Variants in DFFB observed in about 807,000 individuals in gnomAD.
The protein encoded by DFFB is DNA fragmentation factor 40 kDa subunit.
DFFB carries 29 observed loss-of-function variants against 32.7 expected under a neutral mutation model. That is an observed-to-expected ratio of 0.89 (90% CI 0.66 to 1.21). The LOEUF is 1.21. Ranked by LOEUF, DFFB falls within the 50% of genes most tolerant of loss-of-function variation. The probability of loss-of-function intolerance (pLI) is 0.00; values close to 1 mark genes in which losing one functional copy is unlikely to be tolerated. For synonymous variants in DFFB, 170 were observed against 177.1 expected, an observed-to-expected ratio of 0.96 and a Z score of 0.32; for missense variants, 398 against 440.6, an observed-to-expected ratio of 0.90 and a Z score of 0.87.
chr1:3,872,773 C>A (rs528304430), intron 6 of DFFB, among the ~76,000 whole-genome samples: 1 of 152,272 alleles, frequency 6.6e-6, no homozygotes, highest in East Asian at 1.9e-4. Flanking sequence ...GCTGAGTGGG[C>A]ACACACCATT....
chr1:3,860,821 A>G (rs1644866100), intron 2 of DFFB, among the ~76,000 whole-genome samples: 1 of 152,094 alleles, frequency 6.6e-6, no homozygotes, highest in African/African-American at 2.4e-5. Context: ...GCCCGTAGCA[A>G]CTGCTGATAT....
intron 6 of DFFB, chr1:3,873,012 A>G (rs975760205): frequency 1.6e-6 from 2 of 1,270,986 alleles, no homozygotes; most frequent in African/African-American, 1.5e-5. Flanking sequence ...TTTTTCTTTT[A>G]GAGATGGAGT....
Position 3,865,666 on chromosome 1 carries a change from AAGACCCG to A in DFFB, c.242-145_242-139del, listed in dbSNP as rs370413325. On this transcript the variant is annotated intron_variant, in intron 2 of 6. Coordinates refer to ENST00000378209, the MANE Select transcript of DFFB (RefSeq NM_004402.4). This position sits in a 1 kb window ranked among gnomAD's most constrained non-coding sequence, Gnocchi z 4.7. ...AGCTGTTGGTGTCAGGGCAAGGACA[AAGACCCG>A]GGACACCTCAAGTCTGAGTCCTGGT... The A allele has an allele frequency of 1.3e-3, 1,638 of 1,300,890 alleles. 14 individuals carry two copies. In the African/African-American group the frequency reaches 0.021, roughly 16 times the overall value. 80.6% of individuals were successfully genotyped at this position (1,300,890 alleles called of 1,614,324 possible).
rs1449927737 is a variant in DFFB at position 3,867,737 on chromosome 1, TA to T, written c.431-236del. The T allele has an allele frequency of 9.8e-6, 5 of 508,544 alleles. No homozygotes were observed. In the Admixed American group the frequency reaches 9.9e-5, roughly 10 times the overall value. The allele number at this position is 508,544 out of a possible 1,614,324, so 31.5% of individuals were successfully genotyped here. On this transcript the variant is annotated intron_variant, in intron 3 of 6. Coordinates refer to ENST00000378209, the MANE Select transcript of DFFB (RefSeq NM_004402.4). ...GTGTGGTAGTGCGTCCCTGTAGTCT[TA>T]GCCACTTGGAAGTCTGAGGCAGGAG... is the stretch of plus-strand genomic sequence containing the variant.
chr1:3,858,441 AG>A (rs1290791421), intron 1 of DFFB, among the ~76,000 whole-genome samples: 3 of 152,212 alleles, frequency 2.0e-5, no homozygotes, highest in Admixed American at 2.0e-4. Flanking sequence ...AAGCGCCCTC[AG>A]GAGCTCATTT....
At position 3,874,069 on chromosome 1, in the gene DFFB, C is replaced by T. The variant is rs150894791; in HGVS notation, c.782+1497C>T. On this transcript the variant is annotated intron_variant, in intron 6 of 6. Transcript: ENST00000378209. The stretch of plus-strand genomic sequence containing the variant: ...CCTCTCACTGCACCTTTACCACAAG[C>T]GTGTGAGTTTATCATGTACATACAT... 3.7e-3 allele frequency among the ~76,000 whole-genome samples: 568 copies of T among 152,326 alleles called. 3 individuals carry two copies. Among genetic ancestry groups the T allele is most frequent in the African/African-American group, 0.013 (530 of 41,538 alleles).
In DFFB at chr1:3,868,659, GCCACACCACACCACA is replaced by G. The variant is rs565199748; in HGVS notation, c.510+611_510+625del. Among the ~76,000 whole-genome samples, 10 of 10,966 alleles carry G rather than the reference GCCACACCACACCACA, an allele frequency of 9.1e-4. 1 individual carries two copies. The highest frequency in any genetic ancestry group is 1.7e-3 in the African/African-American group (3 of 1,764). The allele number at this position is 10,966 out of a possible 152,430, so 7.2% of individuals were successfully genotyped here. A position where few individuals can be genotyped will look rare whatever the true frequency, so the allele number is the denominator to read the frequency against. ...ACCACACCAAGCCACACCACACCAG[GCCACACCACACCACA>G]CCACGCCACACCACACCAGGCCACA... On this transcript the variant is annotated intron_variant, in intron 4 of 6. Coordinates refer to ENST00000378209, the MANE Select transcript of DFFB (RefSeq NM_004402.4).
At chr1:3,868,121 C>A (rs1645020548) in intron 4 of DFFB, 68 bp downstream of exon 4, 2 of 1,400,510 alleles carry the variant, frequency 1.4e-6, no homozygotes, top group Non-Finnish European at 1.0e-6. Context: ...GCTCTGGAAG[C>A]CTGTGGTCCT....
Position 3,883,625 on chromosome 1 carries a change from C to T in DFFB, c.901C>T (p.Leu301=), listed in dbSNP as rs370054401. 4.3e-6 allele frequency: 7 copies of T among 1,613,998 alleles called. No individual in the cohort carries two copies. In the South Asian group the frequency reaches 5.5e-5, roughly 13 times the overall value. Residue 301 remains leucine, a synonymous_variant, in exon 7 of 7, where the codon CTA becomes TTA. Transcript: ENST00000378209. ...GCTTTTTACCTCAGAGAACCTAAAA[C>T]TAGTGCACATTGTCTGCCATAAGAA... ...GLLFTSENLK[L]VHIVCHKKTT... is the part of the protein sequence containing the mutation.
At chr1:3,858,500 TTTTCCTGACTC>T (rs1644805920) in intron 1 of DFFB, among the ~76,000 whole-genome samples, 1 of 152,162 alleles carries the variant, frequency 6.6e-6, no homozygotes, top group Non-Finnish European at 1.5e-5. Context: ...TGATGTATGT[TTTTCCTGACTC>T]TTCGTATTTT....
chr1:3,877,185 G>A (rs1446987003), intron 6 of DFFB, among the ~76,000 whole-genome samples: 4 of 151,926 alleles, frequency 2.6e-5, no homozygotes, highest in Non-Finnish European at 4.4e-5. Flanking sequence ...CTTTATTAAC[G>A]TTTGCTTTTT....
At position 3,867,994 on chromosome 1, in the gene DFFB, A is replaced by G; in HGVS notation, c.451A>G (p.Ser151Gly). 1 of 1,614,108 alleles carries G rather than the reference A, an allele frequency of 6.2e-7. No homozygotes were observed. The highest frequency in any genetic ancestry group is 8.5e-7 in the Non-Finnish European group (1 of 1,180,004). The change falls in exon 4 of 7, where the codon AGC becomes GGC. Residue 151 changes from serine (S) to glycine (G), a missense_variant. By Grantham distance (56) the Ser-to-Gly change is moderately conservative (BLOSUM62 0). Transcript: ENST00000378209. Reference protein sequence around the residue: ...WFEGLESRFQSKSGYLRYSCE... With the variant: ...WFEGLESRFQGKSGYLRYSCE... ...TGCAGGCTTGGAGTCCCGATTTCAG[A>G]GCAAGTCTGGCTATCTGAGATACAG...
intron 6 of DFFB, among the ~76,000 whole-genome samples, chr1:3,880,747 C>T (rs1466587527): frequency 1.3e-5 from 2 of 151,590 alleles, no homozygotes; most frequent in South Asian, 2.1e-4. Context: ...GCCTGGAGCT[C>T]GCTTGGGCCT....
At chr1:3,875,857 A>C (rs952836387) in intron 6 of DFFB, among the ~76,000 whole-genome samples, 2 of 152,004 alleles carry the variant, frequency 1.3e-5, no homozygotes, top group South Asian at 2.1e-4. Flanking sequence ...GCTCACTGCC[A>C]CCTCCACCTC....
chr1:3,866,176 G>C, intron 3 of DFFB, 176 bp downstream of exon 3: 1 of 701,376 alleles, frequency 1.4e-6, no homozygotes, highest in Non-Finnish European at 2.5e-6. Context: ...CGTGGGAAAG[G>C]TACCCAGCAA....
intron 6 of DFFB, among the ~76,000 whole-genome samples, chr1:3,880,198 C>T (rs111365188): frequency 0.04 from 6,054 of 152,204 alleles, 403 homozygotes; most frequent in African/African-American, 0.14. Context: ...GGCACCCAGG[C>T]CTGGTGAGCT....
At chr1:3,880,777 A>G (rs889347484) in intron 6 of DFFB, among the ~76,000 whole-genome samples, 1 of 151,976 alleles carries the variant, frequency 6.6e-6, no homozygotes, top group Non-Finnish European at 1.5e-5. Flanking sequence ...TTTAGTGGGA[A>G]GTGTTTCCTG....
At chr1:3,860,887 G>A (rs2124725417) in intron 2 of DFFB, among the ~76,000 whole-genome samples, 1 of 152,302 alleles carries the variant, frequency 6.6e-6, no homozygotes, top group East Asian at 1.9e-4. Context: ...AGGTGCGGTG[G>A]CTTACACCTG....
At chr1:3,869,481 C>A in intron 4 of DFFB, 124 bp from the exon 5 acceptor site, 2 of 1,028,566 alleles carry the variant, frequency 1.9e-6, no homozygotes, top group Non-Finnish European at 2.8e-6. Context: ...GAACTCAGAC[C>A]CTCTGACCAC....
Sources: allele counts gnomAD v4.1 joint callset (sites outside exome capture counted in the v4.1 genomes callset), GRCh38; gene constraint gnomAD v4.1.1; non-coding constraint Gnocchi (gnomAD v3.1); transcripts MANE v1.5; gene names NCBI Gene and HGNC (gene_info 2026-07-23, HGNC 2026-07-21).